Variants in CUL4B observed in about 807,000 individuals in gnomAD.
The protein encoded by CUL4B is cullin-4B.
In CUL4B, 1 loss-of-function variant was observed where a neutral mutation model predicts 69.2. That is an observed-to-expected ratio of 0.01 (90% CI 0.01 to 0.07). The LOEUF (loss-of-function observed/expected upper bound fraction) is 0.07. CUL4B is among the 10% of genes least tolerant of loss of function. CUL4B has a pLI of 1.00. For synonymous variants in CUL4B, 237 were observed against 223.2 expected (o/e 1.06, Z -0.55); for missense variants, 328 against 638.8 (o/e 0.51, Z 5.24).
At chrX:120,554,847 C>T (rs1924877686) in intron 2 of CUL4B, among the ~76,000 whole-genome samples, 2 of 111,747 alleles carry the variant, frequency 1.8e-5, no homozygotes, top group Middle Eastern at 4.7e-3. Flanking sequence ...CTTCTAATTA[C>T]GTTTCAATGA....
upstream of CUL4B, among the ~76,000 whole-genome samples, chrX:120,565,167 C>T (rs1010879229): frequency 1.1e-4 from 12 of 110,219 alleles, no homozygotes; most frequent in Admixed American, 3.9e-4. Flanking sequence ...TAATGTAGGA[C>T]GCCATACAGT....
chrX:120,560,039 T>C (rs1431241364), intron 1 of CUL4B, 44 bp downstream of exon 1: 3 of 1,208,189 alleles, frequency 2.5e-6, no homozygotes, highest in Non-Finnish European at 3.4e-6. Context: ...ACCCCTCGAG[T>C]GTCAAATCCT....
chrX:120,544,473 T>A lies in CUL4B; in HGVS notation c.1083+8A>T. 1 of 1,209,925 alleles carries A rather than the reference T, an allele frequency of 8.3e-7. No homozygotes were observed. The highest frequency in any genetic ancestry group is 1.1e-6 in the Non-Finnish European group (1 of 893,947). ...AGCTCTGTATAGTAGGTGTAGTAGTTAACTTACTTGCAAATCAGACAGCAT... is the reference window on the plus strand; with the variant it reads ...AGCTCTGTATAGTAGGTGTAGTAGTAAACTTACTTGCAAATCAGACAGCAT... On this transcript the variant is annotated splice_region_variant and intron_variant, in intron 6 of 19. Transcript: ENST00000371322.
intron 8 of CUL4B, among the ~76,000 whole-genome samples, 176 bp downstream of exon 8, chrX:120,543,551 T>C (rs998157776): frequency 9.2e-6 from 1 of 109,276 alleles, no homozygotes; most frequent in African/African-American, 3.3e-5. Context: ...AATCGAATCC[T>C]TGGATGAAAA....
At chrX:120,566,381 ATATATATATG>A (rs1448209320), upstream of CUL4B, among the ~76,000 whole-genome samples, 2 of 63,231 alleles carry the variant, frequency 3.2e-5, no homozygotes, top group African/African-American at 4.9e-5. Context: ...ATATATATAT[ATATATATATG>A]TATATATATT....
intron 2 of CUL4B, among the ~76,000 whole-genome samples, chrX:120,551,191 G>T (rs973106815): frequency 2.7e-5 from 3 of 111,048 alleles, no homozygotes; most frequent in Non-Finnish European, 5.7e-5. Flanking sequence ...TTCATCTCAT[G>T]TCTGATTATA....
chrX:120,528,601 G>C (rs1048200953), intron 19 of CUL4B, among the ~76,000 whole-genome samples: 1 of 108,967 alleles, frequency 9.2e-6, no homozygotes, highest in Non-Finnish European at 1.9e-5. Flanking sequence ...CGCACCTGTG[G>C]TCCCAGCTAC....
At chrX:120,534,071 GA>G (rs1193461808) in intron 17 of CUL4B, among the ~76,000 whole-genome samples, 2 of 106,207 alleles carry the variant, frequency 1.9e-5, no homozygotes, top group East Asian at 3.0e-4. Flanking sequence ...GTCTTGAGGG[GA>G]AAAAAAAAGA....
At chrX:120,528,581 C>T (rs1279701653) in intron 19 of CUL4B, among the ~76,000 whole-genome samples, 5 of 107,881 alleles carry the variant, frequency 4.6e-5, no homozygotes, top group Non-Finnish European at 7.7e-5. Context: ...ATTAGCCAGG[C>T]GTGATTGTGC....
chrX:120,542,891 A>G (rs1924079687), intron 9 of CUL4B, 75 bp downstream of exon 9: 3 of 743,701 alleles, frequency 4.0e-6, no homozygotes, highest in South Asian at 4.5e-5. Context: ...TAAAAGGGCA[A>G]CATCTTTAAA....
At position 120,560,861 on chromosome X, in the gene CUL4B, G is replaced by A; in HGVS notation, c.-223C>T. 1 of 753,209 alleles carries A rather than the reference G, an allele frequency of 1.3e-6. No homozygotes were observed. The highest frequency in any genetic ancestry group is 1.6e-6 in the Non-Finnish European group (1 of 638,937). The allele number at this position is 753,209 out of a possible 1,213,427, so 62.1% of individuals were successfully genotyped here. ...ACCAGGAGTGAGCAGAACGAGGGGG[G>A]AGAGCGAATGAGGAGGCAGACAGGT... On this transcript the variant is annotated 5_prime_UTR_variant, in exon 1 of 20. Transcript: ENST00000371322.
chrX:120,570,057 A>C, downstream of CUL4B, among the ~76,000 whole-genome samples: 1 of 111,646 alleles, frequency 9.0e-6, no homozygotes, highest in Non-Finnish European at 1.9e-5. Flanking sequence ...TCCCAATCTC[A>C]AGTCTGGTAC....
upstream of CUL4B, among the ~76,000 whole-genome samples, chrX:120,566,345 G>GTATATATATATATATATATA (rs537274243): frequency 1.5e-4 from 6 of 40,950 alleles, no homozygotes; most frequent in East Asian, 3.8e-3. Context: ...GTGTGTATAG[G>GTATATATATATATATATATA]TATATATATA....
At chrX:120,533,487 G>A (rs1382399875) in intron 17 of CUL4B, among the ~76,000 whole-genome samples, 1 of 111,456 alleles carries the variant, frequency 9.0e-6, no homozygotes, top group East Asian at 2.8e-4. Flanking sequence ...GATTCTTCAT[G>A]ATTCTATGCT....
chrX:120,546,454 TAA>T, intron 4 of CUL4B, 91 bp downstream of exon 4: 1 of 689,268 alleles, frequency 1.5e-6, no homozygotes, highest in South Asian at 2.5e-5. Flanking sequence ...TCCCTATTGC[TAA>T]GTTTTAAAAA....
In CUL4B at chrX:120,537,772, G is replaced by A. The variant is rs185128848; in HGVS notation, c.1938+352C>T. Among the ~76,000 whole-genome samples the A allele has an allele frequency of 3.3e-3, 366 of 111,605 alleles. 1 individual carries two copies. Among genetic ancestry groups the A allele is most frequent in the African/African-American group, 0.012 (355 of 30,786 alleles). On this transcript the variant is annotated intron_variant, in intron 14 of 19. Transcript: ENST00000371322. ...CAATGTCCCCAAAGGCTTTTATACA[G>A]CTGCATTATCACTTCTCCTCTCTCC...
At chrX:120,530,674 G>A (rs1424448207) in intron 18 of CUL4B, among the ~76,000 whole-genome samples, 2 of 111,602 alleles carry the variant, frequency 1.8e-5, no homozygotes, top group Non-Finnish European at 1.9e-5. Context: ...CTGACTCAAG[G>A]CATGGTATTA....
intron 18 of CUL4B, among the ~76,000 whole-genome samples, chrX:120,530,852 T>C (rs1029077171): frequency 8.9e-6 from 1 of 112,537 alleles, no homozygotes; most frequent in South Asian, 3.6e-4. Context: ...GTAAAAATGT[T>C]CATCTTTAGT....
intron 18 of CUL4B, among the ~76,000 whole-genome samples, chrX:120,530,655 G>C (rs181164324): frequency 3.6e-5 from 4 of 111,987 alleles, no homozygotes; most frequent in African/African-American, 1.3e-4. Context: ...AGGTGACTCT[G>C]TCTGATCTCT....
Sources: allele counts gnomAD v4.1 joint callset (sites outside exome capture counted in the v4.1 genomes callset), GRCh38; gene constraint gnomAD v4.1.1; transcripts MANE v1.5; gene names NCBI Gene and HGNC (gene_info 2026-07-23, HGNC 2026-07-21).